TRIM44: variants seen among roughly 807,000 people sequenced by gnomAD.
TRIM44 encodes tripartite motif containing 44.
In TRIM44, 13 loss-of-function variants were observed where a neutral mutation model predicts 37.4. The observed-to-expected ratio is 0.35, with a 90% CI of 0.23 to 0.55. The LOEUF is 0.55. TRIM44 is among the 20% of genes least tolerant of loss of function. The pLI is 0.89. For synonymous variants in TRIM44, 175 were observed against 157.2 expected, an observed-to-expected ratio of 1.11 and a Z score of -0.85; for missense variants, 426 against 437.2, an observed-to-expected ratio of 0.97 and a Z score of 0.23.
At chr11:35,676,532 T>G (rs936865881) in intron 1 of TRIM44, among the ~76,000 whole-genome samples, 5 of 152,212 alleles carry the variant, frequency 3.3e-5, no homozygotes, top group Admixed American at 3.3e-4. Context: ...TAGGTCTAAT[T>G]TTAGGTTCAC....
At position 35,769,162 on chromosome 11, in the gene TRIM44, C is replaced by T. The variant is rs80330422; in HGVS notation, c.1007+33717C>T. ...TCATTGATGTATATTACCTGTCAGG[C>T]TCAGTAAGCATGTGAGTCTGTGATT... On this transcript the variant is annotated intron_variant, in intron 4 of 4. Coordinates refer to ENST00000299413, the MANE Select transcript of TRIM44 (RefSeq NM_017583.6). Among the ~76,000 whole-genome samples the T allele has an allele frequency of 1.6e-3, 248 of 152,278 alleles. 7 individuals are homozygous for T. The East Asian group carries it at 0.039, about 24-fold the overall frequency.
At chr11:35,673,424 T>C (rs1851422725) in intron 1 of TRIM44, among the ~76,000 whole-genome samples, 1 of 152,256 alleles carries the variant, frequency 6.6e-6, no homozygotes, top group South Asian at 2.1e-4. Context: ...TAGTTGGCTC[T>C]GTAAATGAGA....
chr11:35,685,937 C>G (rs1272810373), intron 2 of TRIM44, among the ~76,000 whole-genome samples: 7 of 152,194 alleles, frequency 4.6e-5, no homozygotes. Flanking sequence ...GCTGGGACTA[C>G]AGGTGTGAGC....
chr11:35,740,793 A>T (rs993979090), intron 4 of TRIM44, among the ~76,000 whole-genome samples: 2 of 152,140 alleles, frequency 1.3e-5, no homozygotes, highest in Admixed American at 1.3e-4. Context: ...AGTTTTGGGG[A>T]TATCCTTGTG....
At chr11:35,699,495 C>T (rs1481837805) in intron 2 of TRIM44, among the ~76,000 whole-genome samples, 2 of 152,056 alleles carry the variant, frequency 1.3e-5, no homozygotes, top group African/African-American at 4.8e-5. Flanking sequence ...CAGCCAATAT[C>T]ATACTGAATG....
At chr11:35,683,809 A>T (rs1288339729) in intron 1 of TRIM44, among the ~76,000 whole-genome samples, 3 of 151,958 alleles carry the variant, frequency 2.0e-5, no homozygotes, top group African/African-American at 7.3e-5. Context: ...TGATTTGTTC[A>T]GACTTTTTAC....
intron 2 of TRIM44, among the ~76,000 whole-genome samples, chr11:35,688,765 C>T (rs961293783): frequency 6.6e-6 from 1 of 152,184 alleles, no homozygotes. Context: ...GTGCCCACCT[C>T]CAGAGTTTTT....
At chr11:35,681,952 C>CTTTTT (rs35760830) in intron 1 of TRIM44, among the ~76,000 whole-genome samples, 3 of 101,364 alleles carry the variant, frequency 3.0e-5, no homozygotes, top group African/African-American at 3.9e-5. Flanking sequence ...ATGTCCCATA[C>CTTTTT]TTTTTTTTTT....
At chr11:35,798,506 T>A (rs959489885) in intron 4 of TRIM44, among the ~76,000 whole-genome samples, 1 of 152,158 alleles carries the variant, frequency 6.6e-6, no homozygotes, top group Non-Finnish European at 1.5e-5. Flanking sequence ...ATCTTTGCAA[T>A]TTTTTGGTAA....
intron 4 of TRIM44, among the ~76,000 whole-genome samples, chr11:35,760,359 G>A (rs1852707368): frequency 6.6e-6 from 1 of 152,224 alleles, no homozygotes; most frequent in Non-Finnish European, 1.5e-5. Flanking sequence ...CAGTATTAGG[G>A]TGGGAGTGAC....
chr11:35,665,275 T>C (rs1380308777), intron 1 of TRIM44, among the ~76,000 whole-genome samples: 1 of 152,190 alleles, frequency 6.6e-6, no homozygotes, highest in Non-Finnish European at 1.5e-5. Flanking sequence ...TGTCAGAGGC[T>C]ATGCATATCT....
At chr11:35,683,424 A>C (rs1034330070) in intron 1 of TRIM44, among the ~76,000 whole-genome samples, 4 of 151,974 alleles carry the variant, frequency 2.6e-5, no homozygotes, top group Non-Finnish European at 5.9e-5. Flanking sequence ...CAGAGGGGGG[A>C]AAATTGACCC....
intron 2 of TRIM44, among the ~76,000 whole-genome samples, chr11:35,707,273 G>C (rs1590527689): frequency 6.6e-6 from 1 of 152,094 alleles, no homozygotes; most frequent in Non-Finnish European, 1.5e-5. Context: ...AGGATACGAA[G>C]AAATGGAAGA....
chr11:35,735,997 T>C (rs951938568), intron 4 of TRIM44, among the ~76,000 whole-genome samples: 1 of 152,212 alleles, frequency 6.6e-6, no homozygotes, highest in Non-Finnish European at 1.5e-5. Flanking sequence ...ATTTTATTAT[T>C]GTCTGAGCCT....
chr11:35,664,167 C>T (rs114514562), intron 1 of TRIM44, among the ~76,000 whole-genome samples: 198 of 152,294 alleles, frequency 1.3e-3, no homozygotes, highest in African/African-American at 4.3e-3. Context: ...TACTTGAAAA[C>T]ATGGGAAATA....
intron 4 of TRIM44, among the ~76,000 whole-genome samples, chr11:35,796,745 G>GA (rs1275509471): frequency 1.3e-5 from 2 of 152,168 alleles, no homozygotes; most frequent in Non-Finnish European, 2.9e-5. Context: ...TAAAGGCAAA[G>GA]AAAAGGAAAA....
chr11:35,796,576 G>T (rs1471666683), intron 4 of TRIM44, among the ~76,000 whole-genome samples: 1 of 152,106 alleles, frequency 6.6e-6, no homozygotes, highest in African/African-American at 2.4e-5. Flanking sequence ...GCAAGTCCTT[G>T]GGCTAATTTC....
chr11:35,739,409 A>G (rs909276934), intron 4 of TRIM44, among the ~76,000 whole-genome samples: 2 of 152,184 alleles, frequency 1.3e-5, no homozygotes, highest in East Asian at 3.9e-4. Flanking sequence ...ACTATCTTCA[A>G]AATGGCAGCA....
At chr11:35,743,540 G>A (rs1337280635) in intron 4 of TRIM44, among the ~76,000 whole-genome samples, 2 of 152,196 alleles carry the variant, frequency 1.3e-5, no homozygotes, top group African/African-American at 4.8e-5. Flanking sequence ...TGCTCTTTTA[G>A]TTGGAAAACT....
Sources: gnomAD v4.1 joint callset for allele counts (sites outside exome capture counted in the v4.1 genomes callset) on GRCh38, gnomAD v4.1.1 for gene constraint, MANE v1.5 for transcripts, NCBI Gene and HGNC (gene_info 2026-07-23, HGNC 2026-07-21) for gene names.